Variants in DENND1B observed in about 807,000 individuals in gnomAD.
The protein encoded by DENND1B is DENN domain-containing protein 1B.
In DENND1B, 59 loss-of-function variants were observed where a neutral mutation model predicts 90.1. The observed-to-expected ratio is 0.65, with a 90% CI of 0.53 to 0.81. The LOEUF (loss-of-function observed/expected upper bound fraction) is 0.81. DENND1B is among the 40% of genes least tolerant of loss of function. The pLI is 0.00. For synonymous variants in DENND1B, 337 were observed against 324.6 expected (o/e 1.04, Z -0.41); for missense variants, 862 against 912.6 (o/e 0.94, Z 0.71).
rs957120615 is a variant in DENND1B at position 197,552,108 on chromosome 1, T to A, written c.1240+914A>T. The A allele has an allele frequency of 5.9e-5, 34 of 573,252 alleles. No homozygotes were observed. In the Admixed American group the frequency reaches 1.2e-3, roughly 20 times the overall value. 35.5% of individuals were successfully genotyped at this position (573,252 alleles called of 1,614,324 possible). ...TGTGAAATGTGTAGATGAGTACTTA[T>A]TACGTTTTGTCTTTTCATGTGTCAT... On this transcript the variant is annotated intron_variant, in intron 16 of 22. Transcript: ENST00000620048.
At chr1:197,684,250 A>G (rs1657000508) in intron 3 of DENND1B, among the ~76,000 whole-genome samples, 1 of 152,138 alleles carries the variant, frequency 6.6e-6, no homozygotes, top group Non-Finnish European at 1.5e-5. Flanking sequence ...ATTCCCTTTT[A>G]TGTGTGAAAA....
At chr1:197,737,510 T>G (rs1174667482) in intron 2 of DENND1B, among the ~76,000 whole-genome samples, 1 of 152,142 alleles carries the variant, frequency 6.6e-6, no homozygotes, top group Non-Finnish European at 1.5e-5. Flanking sequence ...CTTGGAGGTA[T>G]GACAAAACTC....
intron 2 of DENND1B, among the ~76,000 whole-genome samples, chr1:197,727,093 A>G (rs1558449584): frequency 6.6e-6 from 1 of 152,354 alleles, no homozygotes; most frequent in Non-Finnish European, 1.5e-5. Flanking sequence ...GATAAATATC[A>G]TTAACCTTTG....
intron 13 of DENND1B, chr1:197,606,278 A>ACACC (rs1455179891): frequency 3.3e-5 from 5 of 151,226 alleles, no homozygotes; most frequent in African/African-American, 1.2e-4. Context: ...ACACACACAC[A>ACACC]ACCCTCCGCA....
intron 2 of DENND1B, among the ~76,000 whole-genome samples, chr1:197,744,602 T>C (rs1192596699): frequency 6.6e-6 from 1 of 152,238 alleles, no homozygotes. Flanking sequence ...ATTCCATTTA[T>C]AGAGCACAGG....
At chr1:197,645,364 T>C (rs1680639458) in intron 9 of DENND1B, among the ~76,000 whole-genome samples, 2 of 152,060 alleles carry the variant, frequency 1.3e-5, no homozygotes, top group African/African-American at 4.8e-5. Flanking sequence ...GAGGTATCTC[T>C]TCTATCATAT....
intron 16 of DENND1B, among the ~76,000 whole-genome samples, chr1:197,549,920 T>C (rs1050602672): frequency 2.0e-5 from 3 of 152,158 alleles, no homozygotes; most frequent in Admixed American, 6.6e-5. Flanking sequence ...AATCTAGATG[T>C]TCCTTATCTG....
chr1:197,747,063 A>G, intron 2 of DENND1B: 1 of 785,196 alleles, frequency 1.3e-6, no homozygotes. Context: ...AATACTGAGT[A>G]AGCTCCTTCC....
At chr1:197,659,919 A>C (rs546164737) in intron 5 of DENND1B, among the ~76,000 whole-genome samples, 5 of 152,038 alleles carry the variant, frequency 3.3e-5, no homozygotes, top group Non-Finnish European at 7.4e-5. Flanking sequence ...TATTTGAGGA[A>C]ACACAAATAC....
At position 197,772,889 on chromosome 1, in the gene DENND1B, A is replaced by T. The variant is rs1026596306; in HGVS notation, c.61T>A (p.Cys21Ser). The T allele has an allele frequency of 5.8e-6, 9 of 1,551,906 alleles. No homozygotes were observed. The highest frequency in any genetic ancestry group is 7.8e-6 in the Non-Finnish European group (9 of 1,147,034). The change falls in exon 2 of 23, where the codon TGT (cysteine) becomes AGT (serine). Residue 21 changes from cysteine (C) to serine (S), a missense_variant. Coordinates refer to ENST00000620048, the MANE Select transcript of DENND1B (RefSeq NM_001195215.2). ...RTFDLVLKVK[C>S]HASENEDPVV... is the part of the protein sequence containing the mutation. ...ATACCTTCATTTTCAGAGGCATGAC[A>T]TTTCACTTTCAACACCAAGTCAAAG...
At chr1:197,562,910 T>C (rs1387337450) in intron 15 of DENND1B, among the ~76,000 whole-genome samples, 3 of 151,890 alleles carry the variant, frequency 2.0e-5, no homozygotes, top group East Asian at 1.9e-4. Flanking sequence ...TGGAGAACGT[T>C]TGAGTGGTCT....
intron 6 of DENND1B, among the ~76,000 whole-genome samples, chr1:197,655,095 A>C (rs1422851476): frequency 6.6e-6 from 1 of 152,234 alleles, no homozygotes; most frequent in Non-Finnish European, 1.5e-5. Context: ...TTCCTATGGA[A>C]AAATTTAGAG....
chr1:197,769,857 CTT>C (rs1656185022), intron 2 of DENND1B, among the ~76,000 whole-genome samples: 1 of 152,020 alleles, frequency 6.6e-6, no homozygotes, highest in African/African-American at 2.4e-5. Flanking sequence ...ATTCCAATAA[CTT>C]TTAAAATATT....
chr1:197,515,308 C>A (rs1342026199), intron 20 of DENND1B, among the ~76,000 whole-genome samples: 1 of 151,698 alleles, frequency 6.6e-6, no homozygotes, highest in Non-Finnish European at 1.5e-5. Context: ...GGGCCTATCA[C>A]TTTATCACTA....
chr1:197,750,043 C>CA (rs1653263883), intron 2 of DENND1B, among the ~76,000 whole-genome samples: 2 of 152,012 alleles, frequency 1.3e-5, no homozygotes. Flanking sequence ...GATGAGGTCT[C>CA]GCTATTTTGG....
At chr1:197,531,206 C>T (rs1008950699) in intron 20 of DENND1B, among the ~76,000 whole-genome samples, 2 of 152,224 alleles carry the variant, frequency 1.3e-5, no homozygotes, top group African/African-American at 4.8e-5. Flanking sequence ...TATCAAAAAA[C>T]TGTCCATCTT....
intron 2 of DENND1B, among the ~76,000 whole-genome samples, chr1:197,721,551 C>A (rs1196755186): frequency 6.6e-6 from 1 of 151,840 alleles, no homozygotes; most frequent in Non-Finnish European, 1.5e-5. Flanking sequence ...GTAAGACAAG[C>A]AAAGGATAAT....
At chr1:197,572,021 T>C (rs1250551263) in intron 15 of DENND1B, among the ~76,000 whole-genome samples, 1 of 152,154 alleles carries the variant, frequency 6.6e-6, no homozygotes, top group Admixed American at 6.5e-5. Flanking sequence ...AGGTGATTTC[T>C]GCATTTCCGA....
chr1:197,738,091 G>C (rs1330548536), intron 2 of DENND1B, among the ~76,000 whole-genome samples: 1 of 151,986 alleles, frequency 6.6e-6, no homozygotes, highest in Admixed American at 6.6e-5. Flanking sequence ...AGATTTCTCT[G>C]ACACCTGTTT....
Sources: gnomAD v4.1 joint callset for allele counts (sites outside exome capture counted in the v4.1 genomes callset) on GRCh38, gnomAD v4.1.1 for gene constraint, MANE v1.5 for transcripts, NCBI Gene and HGNC (gene_info 2026-07-23, HGNC 2026-07-21) for gene names.